The following NR1H4 variants were observed in gnomAD, a reference collection of about 807,000 sequenced individuals.
NR1H4 encodes the protein bile acid receptor.
Under a neutral mutation model 58.5 loss-of-function variants are expected in NR1H4, and 23 were observed. That is an observed-to-expected ratio of 0.39 (90% CI 0.28 to 0.56). The LOEUF is 0.56. NR1H4 is among the 20% of genes least tolerant of loss of function. NR1H4 has a pLI of 0.58. For missense variants in NR1H4, 487 were observed against 576.9 expected, an observed-to-expected ratio of 0.84 and a Z score of 1.60; for synonymous variants, 214 against 198.0, an observed-to-expected ratio of 1.08 and a Z score of -0.68.
chr12:100,517,401 A>ACAT (rs1480176880), intron 4 of NR1H4, among the ~76,000 whole-genome samples: 1 of 152,178 alleles, frequency 6.6e-6, no homozygotes, highest in Non-Finnish European at 1.5e-5. Flanking sequence ...CATTATGTAT[A>ACAT]CATACCACAT....
chr12:100,497,055 C>T (rs905666973), intron 3 of NR1H4, among the ~76,000 whole-genome samples: 2 of 152,026 alleles, frequency 1.3e-5, no homozygotes, highest in Non-Finnish European at 2.9e-5. Flanking sequence ...GGCGATGCAA[C>T]AGGGAAGGAG....
intron 3 of NR1H4, among the ~76,000 whole-genome samples, chr12:100,499,528 T>C (rs1026459478): frequency 6.6e-6 from 1 of 152,224 alleles, no homozygotes; most frequent in Non-Finnish European, 1.5e-5. Context: ...AAATATTGAA[T>C]GAGCCTCTTC....
chr12:100,475,922 CG>C (rs1415334601), intron 1 of NR1H4, among the ~76,000 whole-genome samples: 1 of 152,126 alleles, frequency 6.6e-6, no homozygotes, highest in East Asian at 1.9e-4. Context: ...TTAGTAGAGA[CG>C]GGGTTTCACT....
intron 1 of NR1H4, among the ~76,000 whole-genome samples, chr12:100,486,809 G>GA (rs1305117286): frequency 9.8e-4 from 140 of 143,480 alleles, no homozygotes; most frequent in African/African-American, 2.4e-3. Context: ...AAGCAATTCT[G>GA]AAAAAAAAAA....
intron 5 of NR1H4, among the ~76,000 whole-genome samples, chr12:100,534,569 C>T (rs1157705401): frequency 6.6e-6 from 1 of 152,076 alleles, no homozygotes; most frequent in African/African-American, 2.4e-5. Flanking sequence ...ATCACAAGTT[C>T]TTTATATAAA....
intron 5 of NR1H4, among the ~76,000 whole-genome samples, chr12:100,533,890 C>CTTTTT (rs758465149): frequency 1.9e-4 from 27 of 143,392 alleles, no homozygotes; most frequent in African/African-American, 6.7e-4. Flanking sequence ...TAATAGCTCT[C>CTTTTT]TTTTTTTTTT....
At chr12:100,525,094 A>C (rs1195061134) in intron 4 of NR1H4, 1 of 152,190 alleles carries the variant, frequency 6.6e-6, no homozygotes, top group East Asian at 1.9e-4. Flanking sequence ...AAACTTCTTG[A>C]GATATCTCCA....
At chr12:100,529,800 C>T (rs997551395) in intron 4 of NR1H4, among the ~76,000 whole-genome samples, 5 of 152,124 alleles carry the variant, frequency 3.3e-5, no homozygotes, top group South Asian at 2.1e-4. Context: ...TTCTTCGGGG[C>T]GCTTGACTTC....
chr12:100,558,204 C>CAAAAAAAA, intron 9 of NR1H4, among the ~76,000 whole-genome samples: 1 of 84,778 alleles, frequency 1.2e-5, no homozygotes, highest in African/African-American at 3.8e-5. Context: ...ACTAAAAATA[C>CAAAAAAAA]AAAAAAAAAA....
chr12:100,525,865 A>G (rs571702841), intron 4 of NR1H4, among the ~76,000 whole-genome samples: 60 of 152,128 alleles, frequency 3.9e-4, no homozygotes, highest in Non-Finnish European at 6.0e-4. Flanking sequence ...TTGGTAGGGT[A>G]TGTCTTTCCA....
rs113090017 is a variant in NR1H4, at chr12:100,532,538, C to T, written c.526C>T (p.Arg176Ter). The part of the protein sequence containing the change: ...GGNCVMDMYM[R>*]RKCQECRLRK... ...CAACTGTGTGATGGATATGTACATG[C>T]GAAGAAAGTGTCAAGAGTGTCGACT... Residue 176 changes from arginine to a stop codon, truncating the protein, a stop_gained, in exon 5 of 11, where the codon CGA becomes TGA. Transcript: ENST00000392986. LOFTEE classifies it high-confidence loss of function. The T allele has an allele frequency of 8.7e-6, 14 of 1,613,876 alleles. No homozygotes were observed. The Admixed American group carries it at 1.0e-4, about 12-fold the overall frequency.
chr12:100,533,594 A>G (rs895932866), intron 5 of NR1H4, among the ~76,000 whole-genome samples: 7 of 152,186 alleles, frequency 4.6e-5, no homozygotes, highest in Admixed American at 2.0e-4. Flanking sequence ...CTGGAATCCA[A>G]TCTTGCAATG....
chr12:100,486,808 T>G (rs1345315118), intron 1 of NR1H4, among the ~76,000 whole-genome samples: 20 of 150,478 alleles, frequency 1.3e-4, no homozygotes, highest in Admixed American at 1.3e-3. Context: ...GAAGCAATTC[T>G]GAAAAAAAAA....
chr12:100,489,000 T>C (rs1030527919), intron 1 of NR1H4, among the ~76,000 whole-genome samples: 1 of 152,156 alleles, frequency 6.6e-6, no homozygotes, highest in African/African-American at 2.4e-5. Context: ...ACTATAGAGC[T>C]AAAGTCAAGG....
chr12:100,488,517 TAAAA>T (rs1196041125), intron 1 of NR1H4, among the ~76,000 whole-genome samples: 3 of 152,128 alleles, frequency 2.0e-5, no homozygotes, highest in Non-Finnish European at 4.4e-5. Flanking sequence ...CATTAGAAAT[TAAAA>T]AAATTCAAAT....
Position 100,563,838 on chromosome 12 carries a change from G to T in NR1H4, c.*349G>T. Reference sequence around the variant, plus strand: ...TTATTAAAGAGTTGTATTCAATCTTGGCAATAAAGCAAACATAATGGCAAC... The same window carrying T: ...TTATTAAAGAGTTGTATTCAATCTTTGCAATAAAGCAAACATAATGGCAAC... On this transcript the variant is annotated 3_prime_UTR_variant, in exon 11 of 11. Coordinates refer to ENST00000392986, the MANE Select transcript of NR1H4 (RefSeq NM_001206979.2). 5.0e-6 allele frequency: 1 copy of T among 198,836 alleles called. No homozygotes were observed. Among genetic ancestry groups the T allele is most frequent in the Admixed American group, 5.5e-5 (1 of 18,328 alleles). 12.3% of individuals were successfully genotyped at this position (198,836 alleles called of 1,614,324 possible).
At chr12:100,482,539 A>G (rs751883351) in intron 1 of NR1H4, among the ~76,000 whole-genome samples, 32 of 152,232 alleles carry the variant, frequency 2.1e-4, no homozygotes, top group Admixed American at 1.3e-4. Flanking sequence ...TGTGCAAGGC[A>G]TTGGAGATCC....
At chr12:100,547,036 C>T (rs1955087347) in intron 9 of NR1H4, among the ~76,000 whole-genome samples, 1 of 152,102 alleles carries the variant, frequency 6.6e-6, no homozygotes, top group Non-Finnish European at 1.5e-5. Flanking sequence ...CCATGTATCC[C>T]TTTTCTCTAG....
chr12:100,534,809 G>A, intron 5 of NR1H4, 81 bp from the exon 6 acceptor site: 1 of 1,521,450 alleles, frequency 6.6e-7, no homozygotes, highest in Non-Finnish European at 9.1e-7. Flanking sequence ...TTCTGGGCCA[G>A]GTACATATCA....
Sources: gnomAD v4.1 joint callset for allele counts (sites outside exome capture counted in the v4.1 genomes callset) on GRCh38, gnomAD v4.1.1 for gene constraint, MANE v1.5 for transcripts, NCBI Gene and HGNC (gene_info 2026-07-23, HGNC 2026-07-21) for gene names.